SNX24: variants seen among roughly 807,000 people sequenced by gnomAD.
The protein encoded by SNX24 is sorting nexin-24.
A neutral mutation model predicts 28.7 loss-of-function variants in SNX24; 22 were observed. The observed-to-expected ratio is 0.77, with a 90% CI of 0.55 to 1.10. The LOEUF (loss-of-function observed/expected upper bound fraction) is 1.10. Ranked by LOEUF, SNX24 falls within the 50% of genes least tolerant of loss-of-function variation. SNX24 has a pLI of 0.00. For missense variants in SNX24, 221 were observed against 201.1 expected (o/e 1.10, Z -0.60); for synonymous variants, 69 against 71.5 (o/e 0.96, Z 0.18).
chr5:122,962,706 G>A (rs1347745010), intron 3 of SNX24, among the ~76,000 whole-genome samples: 1 of 152,172 alleles, frequency 6.6e-6, no homozygotes, highest in African/African-American at 2.4e-5. Flanking sequence ...TCATGGAGAG[G>A]GATTTGTGTG....
chr5:122,950,517 G>A (rs1257315233), intron 3 of SNX24, among the ~76,000 whole-genome samples: 2 of 152,190 alleles, frequency 1.3e-5, no homozygotes, highest in African/African-American at 2.4e-5. Context: ...CAAAAGGGCT[G>A]CAACAGTTCC....
intron 3 of SNX24, among the ~76,000 whole-genome samples, chr5:122,996,768 C>T (rs1177263124): frequency 6.6e-6 from 1 of 152,036 alleles, no homozygotes; most frequent in African/African-American, 2.4e-5. Flanking sequence ...AGAATGAAAG[C>T]GATTAACCAT....
intron 1 of SNX24, 42 bp from the exon 2 acceptor site, chr5:122,936,692 G>A: frequency 8.7e-7 from 1 of 1,153,036 alleles, no homozygotes. Flanking sequence ...ACAATTGAGG[G>A]TTTTGAACTA....
At chr5:122,928,090 T>A (rs1758779832) in intron 1 of SNX24, among the ~76,000 whole-genome samples, 1 of 152,230 alleles carries the variant, frequency 6.6e-6, no homozygotes, top group Admixed American at 6.5e-5. Flanking sequence ...CTTATCCTGT[T>A]GGTTCTACTT....
chr5:122,911,420 G>C (rs1273533452), intron 1 of SNX24, among the ~76,000 whole-genome samples: 1 of 152,076 alleles, frequency 6.6e-6, no homozygotes, highest in African/African-American at 2.4e-5. Context: ...TTTGTAGGTT[G>C]CCTGTTCACT....
chr5:123,003,408 C>G (rs959510491), intron 6 of SNX24, among the ~76,000 whole-genome samples: 2 of 152,118 alleles, frequency 1.3e-5, no homozygotes, highest in Admixed American at 1.3e-4. Context: ...GTTAAAATAT[C>G]ATATTTAACA....
chr5:123,024,972 C>A (rs552284416), intron 5 of SNX24, among the ~76,000 whole-genome samples: 1 of 152,088 alleles, frequency 6.6e-6, no homozygotes, highest in African/African-American at 2.4e-5. Context: ...AGTGTTCCTA[C>A]GGGTTGTGAA....
At chr5:122,925,252 C>T (rs1184286526) in intron 1 of SNX24, among the ~76,000 whole-genome samples, 1 of 90,172 alleles carries the variant, frequency 1.1e-5, no homozygotes, top group Non-Finnish European at 2.2e-5. Flanking sequence ...TCTCCTCCTC[C>T]TCCTTCCTTC....
chr5:123,012,325 A>T (rs1435065978), downstream of SNX24, among the ~76,000 whole-genome samples: 1 of 152,232 alleles, frequency 6.6e-6, no homozygotes, highest in Non-Finnish European at 1.5e-5. Context: ...CCGGCAATGG[A>T]TGAATGGATA....
At chr5:122,859,295 A>T (rs995795256) in intron 1 of SNX24, among the ~76,000 whole-genome samples, 2 of 151,964 alleles carry the variant, frequency 1.3e-5, no homozygotes, top group East Asian at 3.9e-4. Context: ...ACATATGGAG[A>T]TCCTGTTCCC....
chr5:122,855,289 C>T (rs1192496431), intron 1 of SNX24, among the ~76,000 whole-genome samples: 5 of 152,084 alleles, frequency 3.3e-5, no homozygotes, highest in African/African-American at 1.2e-4. Context: ...AGGCTGGTCT[C>T]GAACTCCTGA....
At chr5:122,857,427 G>C (rs1394735516) in intron 1 of SNX24, among the ~76,000 whole-genome samples, 1 of 149,508 alleles carries the variant, frequency 6.7e-6, no homozygotes, top group Non-Finnish European at 1.5e-5. Context: ...TTTTTTTTAG[G>C]TTCAGAGGTA....
At chr5:122,939,837 C>T (rs1221329558) in intron 2 of SNX24, among the ~76,000 whole-genome samples, 3 of 152,046 alleles carry the variant, frequency 2.0e-5, no homozygotes, top group African/African-American at 4.8e-5. Context: ...TAGACACAAC[C>T]CTTCCTAACC....
At chr5:122,875,812 A>G (rs543093537) in intron 1 of SNX24, among the ~76,000 whole-genome samples, 1 of 152,320 alleles carries the variant, frequency 6.6e-6, no homozygotes, top group Non-Finnish European at 1.5e-5. Context: ...TTTTTGAGAC[A>G]CAGTCTTGCT....
chr5:122,905,638 A>G (rs1421673660), intron 1 of SNX24, among the ~76,000 whole-genome samples: 3 of 152,210 alleles, frequency 2.0e-5, no homozygotes, highest in Non-Finnish European at 2.9e-5. Context: ...CAATTTGGAT[A>G]AAGGATATTC....
intron 1 of SNX24, among the ~76,000 whole-genome samples, chr5:122,934,649 C>G (rs770915891): frequency 6.6e-6 from 1 of 152,198 alleles, no homozygotes; most frequent in Non-Finnish European, 1.5e-5. Flanking sequence ...TGAGCCATTG[C>G]GCCTGGCCGG....
rs1163213314 is a variant in SNX24 at position 122,922,996 on chromosome 5, A to G, written c.61-13738A>G. Among the ~76,000 whole-genome samples the G allele has an allele frequency of 2.0e-5, 3 of 152,278 alleles. No individual in the cohort carries two copies. The East Asian group carries it at 5.8e-4, about 29-fold the overall frequency. On this transcript the variant is annotated intron_variant, in intron 1 of 6. Coordinates refer to ENST00000261369, the MANE Select transcript of SNX24 (RefSeq NM_014035.4). ...TTTTAAACCATGCATATCCTGGGAA[A>G]GTAAAATACCTGATCTATCTATCTA...
In SNX24 at chr5:122,939,924, T is replaced by C. The variant is rs1415227909; in HGVS notation, c.144+3107T>C. On this transcript the variant is annotated intron_variant, in intron 2 of 6. Transcript: ENST00000261369. ...GGTTTTAAACCTTCAAGTGTGTTCCTACTTTTCTGTTACCTTGCATTATCT... is the reference window on the plus strand; with the variant it reads ...GGTTTTAAACCTTCAAGTGTGTTCCCACTTTTCTGTTACCTTGCATTATCT... Among the ~76,000 whole-genome samples the C allele has an allele frequency of 3.9e-5, 6 of 152,214 alleles. No individual in the cohort carries two copies. In the East Asian group the frequency reaches 1.2e-3, roughly 29 times the overall value.
chr5:122,848,748 C>T (rs1032251912), intron 1 of SNX24, among the ~76,000 whole-genome samples: 4 of 152,182 alleles, frequency 2.6e-5, no homozygotes, highest in South Asian at 2.1e-4. Flanking sequence ...CACATTACAT[C>T]ACATTCTAAC....
Sources: allele counts gnomAD v4.1 joint callset (sites outside exome capture counted in the v4.1 genomes callset), GRCh38; gene constraint gnomAD v4.1.1; transcripts MANE v1.5; gene names NCBI Gene and HGNC (gene_info 2026-07-23, HGNC 2026-07-21).